Variants in LRPPRC observed in about 807,000 individuals in gnomAD.
The protein encoded by LRPPRC is leucine rich pentatricopeptide repeat containing.
A neutral mutation model predicts 180.3 loss-of-function variants in LRPPRC; 120 were observed. The ratio of observed to expected loss-of-function variants is 0.67; its 90% CI spans 0.57 to 0.77. The LOEUF (loss-of-function observed/expected upper bound fraction) is 0.77, where lower values mean the gene tolerates loss of function less well. Ranked by LOEUF, LRPPRC falls within the 30% of genes least tolerant of loss-of-function variation. LRPPRC has a pLI of 0.00. For synonymous variants in LRPPRC, 723 were observed against 600.0 expected (o/e 1.21, Z -3.00); for missense variants, 2,012 against 1,657.2 (o/e 1.21, Z -3.72).
intron 23 of LRPPRC, among the ~76,000 whole-genome samples, chr2:43,936,715 ACTAAGCC>A (rs928909765): frequency 1.3e-4 from 20 of 152,168 alleles, no homozygotes; most frequent in Non-Finnish European, 2.9e-5. Context: ...TTATCCCCTT[ACTAAGCC>A]CTGTTTACAG....
intron 1 of LRPPRC, among the ~76,000 whole-genome samples, chr2:43,983,334 G>GAA (rs66595341): frequency 0.026 from 3,918 of 151,250 alleles, 61 homozygotes; most frequent in Admixed American, 0.054. Context: ...CAGAGACTAG[G>GAA]AAAAAAAACA....
chr2:43,953,168 A>T (rs1041024394), intron 14 of LRPPRC, among the ~76,000 whole-genome samples: 4 of 152,098 alleles, frequency 2.6e-5, no homozygotes, highest in African/African-American at 9.7e-5. Flanking sequence ...GCCCTGATTC[A>T]TCCCTTCCCC....
chr2:43,975,213 T>C lies in LRPPRC; in HGVS notation c.742A>G (p.Met248Val). The C allele has an allele frequency of 6.2e-7, 1 of 1,612,720 alleles. No individual in the cohort carries two copies. The highest frequency in any genetic ancestry group is 8.5e-7 in the Non-Finnish European group (1 of 1,179,650). Reference sequence around the variant, plus strand: ...GTGAGAATGTTTTCTGCATTCTCCATATCACTACAAGTTAATTCAAAAAAC... The same window carrying C: ...GTGAGAATGTTTTCTGCATTCTCCACATCACTACAAGTTAATTCAAAAAAC... ...LVTGHARAGDMENAENILTVM... is the reference protein window; with the variant it reads ...LVTGHARAGDVENAENILTVM... The change falls in exon 7 of 38, where the codon ATG becomes GTG. Residue 248 changes from methionine to valine, a missense_variant. By Grantham distance (21) the Met-to-Val change is conservative (BLOSUM62 1). Coordinates refer to ENST00000260665, the MANE Select transcript of LRPPRC (RefSeq NM_133259.4).
chr2:43,979,365 A>T (rs956907997), intron 3 of LRPPRC, among the ~76,000 whole-genome samples: 1 of 152,142 alleles, frequency 6.6e-6, no homozygotes, highest in African/African-American at 2.4e-5. Flanking sequence ...ATTTCTTAAA[A>T]CAGTTACACA....
chr2:43,918,013 G>T lies in LRPPRC; in HGVS notation c.3148+12C>A. 5 of 797,634 alleles carry T rather than the reference G, an allele frequency of 6.3e-6. No individual in the cohort carries two copies. The highest frequency in any genetic ancestry group is 1.9e-5 in the South Asian group (1 of 51,538). 49.4% of individuals were successfully genotyped at this position (797,634 alleles called of 1,614,324 possible). On this transcript the variant is annotated intron_variant, in intron 29 of 37. Coordinates refer to ENST00000260665, the MANE Select transcript of LRPPRC (RefSeq NM_133259.4). ...CCCCCCCACACACACCCCCATCCCCGTATGTGCTTGCCTTTTTTTTGGTTC... is the reference window on the plus strand; with the variant it reads ...CCCCCCCACACACACCCCCATCCCCTTATGTGCTTGCCTTTTTTTTGGTTC...
At position 43,947,424 on chromosome 2, in the gene LRPPRC, G is replaced by T. The variant is rs79868165; in HGVS notation, c.1966-54C>A. ...TTTCCTGAAAAAGGAAATATAGTAT[G>T]CCTTTTGTCACTCTTCCCTTTAAAC... On this transcript the variant is annotated intron_variant, in intron 19 of 37. Coordinates refer to ENST00000260665, the MANE Select transcript of LRPPRC (RefSeq NM_133259.4). The T allele has an allele frequency of 0.011, 9,505 of 854,584 alleles. 81 individuals are homozygous for T. Among genetic ancestry groups the T allele is most frequent in the Non-Finnish European group, 0.014 (7,159 of 502,398 alleles). The allele number at this position is 854,584 out of a possible 1,614,324, so 52.9% of individuals were successfully genotyped here.
chr2:43,993,091 A>G (rs1226404837), intron 1 of LRPPRC, among the ~76,000 whole-genome samples: 1 of 152,196 alleles, frequency 6.6e-6, no homozygotes, highest in Non-Finnish European at 1.5e-5. Context: ...TGGTGTCATC[A>G]ATACCAAGAA....
intron 25 of LRPPRC, among the ~76,000 whole-genome samples, chr2:43,927,094 T>C (rs569841151): frequency 3.3e-5 from 5 of 152,228 alleles, no homozygotes; most frequent in Non-Finnish European, 5.9e-5. Context: ...TATAGTATTT[T>C]CATCATCTGC....
chr2:43,971,485 T>TAAAAGAAAAAAA (rs1673802897), intron 11 of LRPPRC, among the ~76,000 whole-genome samples: 1 of 62,418 alleles, frequency 1.6e-5, no homozygotes, highest in African/African-American at 7.9e-5. Context: ...TGTGTCACAG[T>TAAAAGAAAAAAA]AAAAAAAAAA....
At chr2:43,905,594 T>G (rs1671041643) in intron 31 of LRPPRC, 98 bp downstream of exon 31, 2 of 863,058 alleles carry the variant, frequency 2.3e-6, no homozygotes, top group Non-Finnish European at 4.0e-6. Flanking sequence ...AGCAGGTAAT[T>G]TGCTAAATGG....
At chr2:43,956,512 T>C (rs1402026204) in intron 14 of LRPPRC, among the ~76,000 whole-genome samples, 4 of 151,432 alleles carry the variant, frequency 2.6e-5, no homozygotes, top group African/African-American at 9.8e-5. Flanking sequence ...TGTGTGTGTG[T>C]GTAGGTACTT....
At chr2:43,977,331 T>C in intron 3 of LRPPRC, 55 bp from the exon 4 acceptor site, 1 of 1,373,326 alleles carries the variant, frequency 7.3e-7, no homozygotes, top group African/African-American at 1.4e-5. Context: ...TCCTATGCTT[T>C]AAAGTGGACC....
At position 43,945,372 on chromosome 2, in the gene LRPPRC, T is replaced by C. The variant is rs766883916; in HGVS notation, c.2256A>G (p.Val752=). ...SSAVLDTGKY[V]GLVRVLAKHG... ...GCTTTGCCAATACTCTTACAAGGCC[T>C]ACATACTTGCCGGTGTCAAGGACAG... The change falls in exon 22 of 38, where the codon GTA becomes GTG. Residue 752 remains valine, a synonymous_variant. Coordinates refer to ENST00000260665, the MANE Select transcript of LRPPRC (RefSeq NM_133259.4). The C allele has an allele frequency of 2.5e-6, 4 of 1,612,458 alleles. No individual in the cohort carries two copies. In the African/African-American group the frequency reaches 5.3e-5, roughly 22 times the overall value.
At position 43,894,544 on chromosome 2, in the gene LRPPRC, C is replaced by A; in HGVS notation, c.3985+1G>T. On this transcript the variant is annotated splice_donor_variant, in intron 36 of 37. Coordinates refer to ENST00000260665, the MANE Select transcript of LRPPRC (RefSeq NM_133259.4). LOFTEE classifies it high-confidence loss of function. The stretch of plus-strand genomic sequence containing the variant: ...ATATAGTCAAATTAAACTTATATTA[C>A]CATAGCTTTTCATGAGGGAATTGTA... 7.3e-7 allele frequency: 1 copy of A among 1,371,406 alleles called. No individual in the cohort carries two copies. The highest frequency in any genetic ancestry group is 1.0e-6 in the Non-Finnish European group (1 of 959,240). 85.0% of individuals were successfully genotyped at this position (1,371,406 alleles called of 1,614,324 possible).
intron 6 of LRPPRC, among the ~76,000 whole-genome samples, chr2:43,975,475 T>G (rs1674014192): frequency 6.6e-6 from 1 of 152,212 alleles, no homozygotes; most frequent in Admixed American, 6.5e-5. Context: ...ATGTAGGTTA[T>G]GACTCAGACT....
chr2:43,979,540 G>C (rs570737554), intron 3 of LRPPRC, among the ~76,000 whole-genome samples: 1 of 152,032 alleles, frequency 6.6e-6, no homozygotes, highest in Non-Finnish European at 1.5e-5. Context: ...GGAACTGCTC[G>C]GTCAAATGGT....
At chr2:43,988,679 C>G (rs911933480) in intron 1 of LRPPRC, among the ~76,000 whole-genome samples, 1 of 152,116 alleles carries the variant, frequency 6.6e-6, no homozygotes, top group Non-Finnish European at 1.5e-5. Context: ...GCTGGGACTA[C>G]AGGCACCCGC....
chr2:43,940,946 C>T (rs1191535213), intron 23 of LRPPRC, among the ~76,000 whole-genome samples: 4 of 152,170 alleles, frequency 2.6e-5, no homozygotes, highest in Admixed American at 2.0e-4. Flanking sequence ...ATGTAAAATA[C>T]GTGGCTTAGA....
intron 14 of LRPPRC, among the ~76,000 whole-genome samples, chr2:43,956,478 C>CGTGTGTGTGTGTGTGT (rs56919652): frequency 0.023 from 3,258 of 142,510 alleles, 89 homozygotes; most frequent in East Asian, 0.13. Context: ...AAGAAAAAAA[C>CGTGTGTGTGTGTGTGT]GTGTGTGTGT....
Sources: allele counts gnomAD v4.1 joint callset (sites outside exome capture counted in the v4.1 genomes callset), GRCh38; gene constraint gnomAD v4.1.1; transcripts MANE v1.5; gene names NCBI Gene and HGNC (gene_info 2026-07-23, HGNC 2026-07-21).